KDM2A: variants seen among roughly 807,000 people sequenced by gnomAD.
KDM2A encodes the protein lysine demethylase 2A, also known as lysine-specific demethylase 2A.
A neutral mutation model predicts 137.3 loss-of-function variants in KDM2A; 3 were observed. The observed-to-expected ratio is 0.02, with a 90% CI of 0.01 to 0.06. The LOEUF (loss-of-function observed/expected upper bound fraction) is 0.06. KDM2A is among the 10% of genes least tolerant of loss of function. The pLI, the probability that KDM2A is intolerant of heterozygous loss-of-function variation, is 1.00. For missense variants in KDM2A, 738 were observed against 1,510.6 expected, an observed-to-expected ratio of 0.49 and a Z score of 8.48; for synonymous variants, 512 against 541.5, an observed-to-expected ratio of 0.95 and a Z score of 0.76.
At chr11:67,139,413 T>C (rs1158828869) in intron 2 of KDM2A, among the ~76,000 whole-genome samples, 2 of 151,958 alleles carry the variant, frequency 1.3e-5, no homozygotes, top group Admixed American at 1.3e-4. Flanking sequence ...CCCAGCACAT[T>C]TTTGTATTTT....
At chr11:67,164,388 CAG>C (rs746554529) in intron 2 of KDM2A, among the ~76,000 whole-genome samples, 26 of 152,168 alleles carry the variant, frequency 1.7e-4, no homozygotes, top group Non-Finnish European at 3.1e-4. Context: ...AGAAGTTTAA[CAG>C]AGATGTGATT....
At chr11:67,169,314 C>G (rs1320388104) in intron 2 of KDM2A, among the ~76,000 whole-genome samples, 1 of 151,156 alleles carries the variant, frequency 6.6e-6, no homozygotes, top group South Asian at 2.1e-4. Context: ...TTTTTTAAAT[C>G]GTATCACAGT....
intron 5 of KDM2A, among the ~76,000 whole-genome samples, chr11:67,188,422 C>G (rs1387360165): frequency 6.7e-6 from 1 of 150,028 alleles, no homozygotes; most frequent in African/African-American, 2.5e-5. Flanking sequence ...GTAGAGCTTG[C>G]ACTGAGCTGA....
At chr11:67,162,629 C>T (rs1328980489) in intron 2 of KDM2A, among the ~76,000 whole-genome samples, 4 of 152,152 alleles carry the variant, frequency 2.6e-5, no homozygotes, top group African/African-American at 9.7e-5. Flanking sequence ...TGGTCTCGAA[C>T]TCCTGACCTC....
At chr11:67,158,821 G>A (rs1244287796) in intron 2 of KDM2A, among the ~76,000 whole-genome samples, 1 of 152,080 alleles carries the variant, frequency 6.6e-6, no homozygotes, top group African/African-American at 2.4e-5. Flanking sequence ...TTTGTCATCT[G>A]TATATCTTCT....
At chr11:67,168,820 G>A (rs2136323595) in intron 2 of KDM2A, among the ~76,000 whole-genome samples, 1 of 152,290 alleles carries the variant, frequency 6.6e-6, no homozygotes, top group Admixed American at 6.5e-5. Context: ...GCATTCATAT[G>A]TTGTGGGAGA....
intron 5 of KDM2A, among the ~76,000 whole-genome samples, chr11:67,183,659 A>G (rs910158633): frequency 2.6e-5 from 4 of 152,180 alleles, no homozygotes; most frequent in Non-Finnish European, 4.4e-5. Context: ...TTCCCTGCCA[A>G]CCAAGCCCAT....
chr11:67,145,976 G>A (rs1312791901), intron 2 of KDM2A, among the ~76,000 whole-genome samples: 3 of 141,716 alleles, frequency 2.1e-5, no homozygotes, highest in South Asian at 2.2e-4. Context: ...TGTTCTTCCC[G>A]TTTTTTGTTT....
intron 5 of KDM2A, among the ~76,000 whole-genome samples, chr11:67,187,015 G>A (rs558235020): frequency 9.2e-5 from 14 of 152,316 alleles, no homozygotes; most frequent in Admixed American, 3.3e-4. Context: ...GTAACCAAAA[G>A]GGGTAGAGAC....
intron 6 of KDM2A, among the ~76,000 whole-genome samples, chr11:67,211,698 CTT>C (rs922572490): frequency 2.2e-5 from 3 of 136,668 alleles, no homozygotes; most frequent in South Asian, 2.5e-4. Flanking sequence ...TATTCAAAAA[CTT>C]AATCTTCATT....
intron 12 of KDM2A, among the ~76,000 whole-genome samples, chr11:67,236,846 A>G (rs1858886285): frequency 6.6e-6 from 1 of 152,220 alleles, no homozygotes. Context: ...GCTCTGTGTC[A>G]GGAATCAGAT....
chr11:67,130,007 G>A (rs1855817391), intron 2 of KDM2A, among the ~76,000 whole-genome samples: 1 of 149,744 alleles, frequency 6.7e-6, no homozygotes, highest in African/African-American at 2.5e-5. Context: ...TGGTCACTCA[G>A]GCTGGAGTGC....
chr11:67,227,996 C>T (rs1421892846), intron 10 of KDM2A, 41 bp from the exon 11 acceptor site: 28 of 1,586,386 alleles, frequency 1.8e-5, no homozygotes, highest in Non-Finnish European at 2.3e-5. Flanking sequence ...ACTCTCTTTC[C>T]TTGAAAATCG....
intron 2 of KDM2A, among the ~76,000 whole-genome samples, chr11:67,151,443 C>T (rs11227715): frequency 0.031 from 4,635 of 151,862 alleles, 106 homozygotes; most frequent in African/African-American, 0.065. Context: ...TGCAATGGTG[C>T]CATCTCTGCT....
At chr11:67,182,878 G>T (rs1035594627) in intron 5 of KDM2A, among the ~76,000 whole-genome samples, 1 of 152,182 alleles carries the variant, frequency 6.6e-6, no homozygotes, top group Non-Finnish European at 1.5e-5. Flanking sequence ...TTAAAACAAA[G>T]GGACTTTTTA....
Position 67,121,248 on chromosome 11 carries a change from T to G in KDM2A, c.-69T>G. ...TTATTCTTTAGTGTTGCAATCTGGT[T>G]CCTAAGGAGGAAGAGGAAGGCAGCC... On this transcript the variant is annotated 5_prime_UTR_variant, in exon 2 of 21. Coordinates refer to ENST00000529006, the MANE Select transcript of KDM2A (RefSeq NM_012308.3). 5 of 1,183,470 alleles carry G rather than the reference T, an allele frequency of 4.2e-6. No homozygotes were observed. Among genetic ancestry groups the G allele is most frequent in the Non-Finnish European group, 5.0e-6 (4 of 792,374 alleles). 73.3% of individuals were successfully genotyped at this position (1,183,470 alleles called of 1,614,324 possible).
rs1471224648 is a variant in KDM2A at position 67,248,287 on chromosome 11, G to A, written c.1972G>A (p.Gly658Arg). Residue 658 changes from glycine to arginine, a missense_variant, in exon 16 of 21, where the codon GGA becomes AGA. By Grantham distance (125) the Gly-to-Arg change is moderately radical. Around this residue, in one of 9 missense-constraint regions of KDM2A, gnomAD observed 20 missense variants for 62.3 expected, o/e 0.32. Transcript: ENST00000529006. Reference protein sequence around the residue: ...IVHPGCLQMDGEGLLNEELPN... With the variant: ...IVHPGCLQMDREGLLNEELPN... The stretch of plus-strand genomic sequence containing the variant: ...CATCTCTGTCTTCCTATAGATGGAC[G>A]GAGAGGGGTTGCTTAACGAAGAATT... 1.0e-5 allele frequency: 16 copies of A among 1,603,892 alleles called. No homozygotes were observed. The highest frequency in any genetic ancestry group is 2.2e-5 in the East Asian group (1 of 44,732).
intron 2 of KDM2A, among the ~76,000 whole-genome samples, chr11:67,129,117 T>C (rs1339706406): frequency 6.6e-6 from 1 of 152,168 alleles, no homozygotes; most frequent in Non-Finnish European, 1.5e-5. Context: ...GAGGACACTT[T>C]GGCAGGTAGG....
chr11:67,173,268 A>G (rs1856914151), intron 2 of KDM2A, among the ~76,000 whole-genome samples: 1 of 152,168 alleles, frequency 6.6e-6, no homozygotes. Context: ...GATTCCAGGC[A>G]TGCGCCACCA....
Sources: gnomAD v4.1 joint callset for allele counts (sites outside exome capture counted in the v4.1 genomes callset) on GRCh38, gnomAD v4.1.1 for gene constraint, gnomAD v4.1.1 regional missense constraint, MANE v1.5 for transcripts, NCBI Gene and HGNC (gene_info 2026-07-23, HGNC 2026-07-21) for gene names.